The following PRDM16 variants were observed in gnomAD, a reference collection of about 807,000 sequenced individuals.
The protein encoded by PRDM16 is histone-lysine N-methyltransferase PRDM16.
In PRDM16, 23 loss-of-function variants were observed where a neutral mutation model predicts 110.6. That is an observed-to-expected ratio of 0.21 (90% CI 0.15 to 0.29). The LOEUF is 0.29. PRDM16 is among the 10% of genes least tolerant of loss of function. The pLI, the probability that PRDM16 is intolerant of heterozygous loss-of-function variation, is 1.00. For missense variants in PRDM16, 1,615 were observed against 1,794.3 expected (o/e 0.90, Z 1.81); for synonymous variants, 799 against 781.8 (o/e 1.02, Z -0.37).
chr1:3,314,441 C>G (rs989661860), intron 3 of PRDM16, among the ~76,000 whole-genome samples: 7 of 152,060 alleles, frequency 4.6e-5, no homozygotes, highest in Non-Finnish European at 2.9e-5. Context: ...CAGAGGAAGG[C>G]CACGATGAGG....
rs375219938 is a variant in PRDM16 at position 3,246,819 on chromosome 1, T to G, written c.438+2682T>G. Among the ~76,000 whole-genome samples the G allele has an allele frequency of 2.0e-5, 3 of 151,116 alleles. No individual in the cohort carries two copies. The highest frequency in any genetic ancestry group is 2.1e-4 in the South Asian group (1 of 4,754). ...AGGCACTCTCGGGGAGCCGGGGGGG[T>G]TGGGGCTGAGAGACTGAGAGACATG... On this transcript the variant is annotated intron_variant, in intron 3 of 16. Transcript: ENST00000270722. The surrounding 1 kb of genome is among the most constrained non-coding windows in gnomAD (Gnocchi z 5.2).
chr1:3,293,204 T>C (rs558818051), intron 3 of PRDM16, among the ~76,000 whole-genome samples: 4 of 152,328 alleles, frequency 2.6e-5, no homozygotes, highest in Admixed American at 2.0e-4. Flanking sequence ...TGAACCTGCC[T>C]CTGTAGAGGA....
chr1:3,150,082 C>G (rs1643747817), intron 1 of PRDM16, among the ~76,000 whole-genome samples: 1 of 152,330 alleles, frequency 6.6e-6, no homozygotes, highest in South Asian at 2.1e-4. Context: ...GACACCAGGA[C>G]AGGGCACAGA....
At chr1:3,311,810 G>A (rs1641467282) in intron 3 of PRDM16, among the ~76,000 whole-genome samples, 1 of 152,192 alleles carries the variant, frequency 6.6e-6, no homozygotes, top group South Asian at 2.1e-4. Flanking sequence ...CCCCAGATCT[G>A]AGACAGCCCT....
chr1:3,124,158 G>A (rs1036342970), intron 1 of PRDM16, among the ~76,000 whole-genome samples: 4 of 152,238 alleles, frequency 2.6e-5, no homozygotes, highest in African/African-American at 7.2e-5. Context: ...GGGCCGTGGA[G>A]CTGGCCACAG....
intron 3 of PRDM16, among the ~76,000 whole-genome samples, chr1:3,278,858 C>T (rs963939323): frequency 1.3e-5 from 2 of 152,236 alleles, no homozygotes; most frequent in Non-Finnish European, 2.9e-5. Flanking sequence ...AGCGTCCCTG[C>T]GTCCTCTCAA....
intron 2 of PRDM16, among the ~76,000 whole-genome samples, chr1:3,186,786 G>A (rs916233608): frequency 6.6e-6 from 1 of 152,156 alleles, no homozygotes; most frequent in East Asian, 1.9e-4. Flanking sequence ...CACTGCCATC[G>A]CGGCAGGGCA....
chr1:3,275,876 C>T lies in PRDM16; in HGVS notation c.438+31739C>T, dbSNP rs576258767. 7.9e-4 allele frequency among the ~76,000 whole-genome samples: 121 copies of T among 152,336 alleles called. No homozygotes were observed. In the Middle Eastern group the frequency reaches 0.01, roughly 13 times the overall value. On this transcript the variant is annotated intron_variant, in intron 3 of 16. Coordinates refer to ENST00000270722, the MANE Select transcript of PRDM16 (RefSeq NM_022114.4). ...CCCTAGTCTCTTCTCGTGGGGCCAG[C>T]GTCTGAAGATGCCCTCCCAAGCCAT...
chr1:3,247,733 C>G (rs1179223860), intron 3 of PRDM16, among the ~76,000 whole-genome samples: 1 of 151,008 alleles, frequency 6.6e-6, no homozygotes, highest in Admixed American at 6.6e-5. Context: ...GTGCCCTATG[C>G]GTGCCCTCGC....
At chr1:3,374,602 T>C (rs1385890610) in intron 3 of PRDM16, among the ~76,000 whole-genome samples, 1 of 152,044 alleles carries the variant, frequency 6.6e-6, no homozygotes, top group East Asian at 1.9e-4. Flanking sequence ...CTGTGGCCTT[T>C]CTCCTGGGGG....
chr1:3,433,876 C>A lies in PRDM16; in HGVS notation c.*65C>A. 2 of 1,572,720 alleles carry A rather than the reference C, an allele frequency of 1.3e-6. No homozygotes were observed. The highest frequency in any genetic ancestry group is 1.7e-6 in the Non-Finnish European group (2 of 1,158,152). ...ACCAGCCACGAAGGACGGAGGCGGG[C>A]GGGGCCCCGGAGAACCCTGTCCCTG... On this transcript the variant is annotated 3_prime_UTR_variant, in exon 17 of 17. Transcript: ENST00000270722.
chr1:3,409,898 G>A (rs1458423803), intron 8 of PRDM16, among the ~76,000 whole-genome samples: 1 of 132,894 alleles, frequency 7.5e-6, no homozygotes, highest in Non-Finnish European at 1.6e-5. Flanking sequence ...CATGTGTGTG[G>A]TGTGGTTGTG....
chr1:3,390,212 T>C lies in PRDM16; in HGVS notation c.573+4926T>C, dbSNP rs1179798757. On this transcript the variant is annotated intron_variant, in intron 4 of 16. Transcript: ENST00000270722. The surrounding 1 kb of genome is among the most constrained non-coding windows in gnomAD (Gnocchi z 5.0). ...AGCCGGCGCTTTCTGTTTTTTGGTT[T>C]ATCTTTTTCTCATGTTGCCTCAATA... is the stretch of plus-strand genomic sequence containing the variant. Among the ~76,000 whole-genome samples, 2 of 152,144 alleles carry C rather than the reference T, an allele frequency of 1.3e-5. No individual in the cohort carries two copies. The highest frequency in any genetic ancestry group is 2.9e-5 in the Non-Finnish European group (2 of 68,028).
chr1:3,095,752 G>A (rs774383236), intron 1 of PRDM16, among the ~76,000 whole-genome samples: 21 of 152,166 alleles, frequency 1.4e-4, no homozygotes, highest in Admixed American at 7.2e-4. Context: ...GTCAGTGTGG[G>A]AGATGACTCT....
chr1:3,355,854 T>G (rs181825512), intron 3 of PRDM16, among the ~76,000 whole-genome samples: 26 of 152,276 alleles, frequency 1.7e-4, no homozygotes, highest in Admixed American at 8.5e-4. Context: ...CCAGCCTGTG[T>G]GTCTGTGAAA....
intron 14 of PRDM16, among the ~76,000 whole-genome samples, chr1:3,428,310 C>G (rs1057456763): frequency 4.0e-5 from 6 of 151,700 alleles, no homozygotes; most frequent in African/African-American, 1.5e-4. Flanking sequence ...TAGGGTGCAG[C>G]CCGGCCGCAC....
At chr1:3,224,767 G>A (rs1639248680) in intron 2 of PRDM16, among the ~76,000 whole-genome samples, 1 of 152,254 alleles carries the variant, frequency 6.6e-6, no homozygotes, top group Non-Finnish European at 1.5e-5. Flanking sequence ...CTACTGTGAA[G>A]CCAGGCGGGA....
At chr1:3,196,154 G>A (rs1242797435) in intron 2 of PRDM16, among the ~76,000 whole-genome samples, 1 of 152,238 alleles carries the variant, frequency 6.6e-6, no homozygotes, top group African/African-American at 2.4e-5. Context: ...AGGCACAGGT[G>A]AGCTCCAGCA....
chr1:3,251,039 C>T (rs1262148994), intron 3 of PRDM16, among the ~76,000 whole-genome samples: 1 of 152,216 alleles, frequency 6.6e-6, no homozygotes, highest in African/African-American at 2.4e-5. Flanking sequence ...TAGGCTGAAA[C>T]TTAAATTCCA....
Sources: allele counts gnomAD v4.1 joint callset (sites outside exome capture counted in the v4.1 genomes callset), GRCh38; gene constraint gnomAD v4.1.1; non-coding constraint Gnocchi (gnomAD v3.1); transcripts MANE v1.5; gene names NCBI Gene and HGNC (gene_info 2026-07-23, HGNC 2026-07-21).